Variants in CTNND2 observed in about 807,000 individuals in gnomAD.
CTNND2 encodes the protein catenin delta-2.
Under a neutral mutation model 144.4 loss-of-function variants are expected in CTNND2, and 22 were observed. The ratio of observed to expected loss-of-function variants is 0.15; its 90% CI spans 0.11 to 0.22. The LOEUF (loss-of-function observed/expected upper bound fraction) is 0.22, where lower values mean the gene tolerates loss of function less well. Among genes scored for constraint, CTNND2 ranks in the 10% least tolerant of loss-of-function variants. CTNND2 has a pLI of 1.00. For missense variants in CTNND2, 1,353 were observed against 1,618.8 expected (o/e 0.84, Z 2.82); for synonymous variants, 751 against 695.6 (o/e 1.08, Z -1.25).
intron 2 of CTNND2, among the ~76,000 whole-genome samples, chr5:11,645,249 G>A (rs1455749198): frequency 1.3e-5 from 2 of 152,212 alleles, no homozygotes; most frequent in East Asian, 1.9e-4. Context: ...TTACAGGCAT[G>A]AGCCACCATG....
At chr5:11,856,480 T>C (rs912111224) in intron 1 of CTNND2, among the ~76,000 whole-genome samples, 19 of 152,218 alleles carry the variant, frequency 1.2e-4, no homozygotes, top group South Asian at 4.1e-4. Flanking sequence ...CTCAGGATGA[T>C]AGTTTAGTAT....
At chr5:11,541,845 C>T (rs533021083) in intron 3 of CTNND2, among the ~76,000 whole-genome samples, 4 of 144,200 alleles carry the variant, frequency 2.8e-5, no homozygotes, top group East Asian at 4.1e-4. Context: ...TCGACCCCCC[C>T]CCCCCGGCCA....
chr5:11,301,031 C>T (rs1749548960), intron 9 of CTNND2, among the ~76,000 whole-genome samples: 1 of 152,022 alleles, frequency 6.6e-6, no homozygotes, highest in Non-Finnish European at 1.5e-5. Flanking sequence ...GAGACGGAGT[C>T]TGGGCTGTTG....
At chr5:11,784,642 T>C (rs1790733847) in intron 1 of CTNND2, among the ~76,000 whole-genome samples, 2 of 152,246 alleles carry the variant, frequency 1.3e-5, no homozygotes, top group African/African-American at 2.4e-5. Context: ...TTGAGCGTGA[T>C]TTAATCAAGT....
rs549506410 is a variant in CTNND2 at position 11,483,677 on chromosome 5, C to T, written c.288-71608G>A. On this transcript the variant is annotated intron_variant, in intron 3 of 21. Transcript: ENST00000304623. ...TTGTAAGCTCCTCGAGAGTAAGGAT[C>T]GTGAACTTCATGGTTCAGTGATGCA... 3.3e-5 allele frequency among the ~76,000 whole-genome samples: 5 copies of T among 152,266 alleles called. No homozygotes were observed. In the South Asian group the frequency reaches 8.3e-4, roughly 25 times the overall value.
At chr5:11,085,258 T>G (rs1750007105) in intron 15 of CTNND2, among the ~76,000 whole-genome samples, 1 of 152,254 alleles carries the variant, frequency 6.6e-6, no homozygotes, top group East Asian at 1.9e-4. Context: ...TGAGCAGTGA[T>G]GTGTTTTCCC....
chr5:11,319,312 T>A (rs911609107), intron 9 of CTNND2, among the ~76,000 whole-genome samples: 1 of 152,118 alleles, frequency 6.6e-6, no homozygotes, highest in Non-Finnish European at 1.5e-5. Flanking sequence ...ACTCAATAAG[T>A]ATTTGTTGAA....
intron 9 of CTNND2, among the ~76,000 whole-genome samples, chr5:11,285,820 A>G (rs1747663269): frequency 6.6e-6 from 1 of 152,218 alleles, no homozygotes; most frequent in Non-Finnish European, 1.5e-5. Context: ...TGAGAGTTAA[A>G]AGCCAGGGGG....
chr5:11,143,970 C>G (rs547046059), intron 12 of CTNND2, among the ~76,000 whole-genome samples: 24 of 144,392 alleles, frequency 1.7e-4, no homozygotes, highest in Admixed American at 8.5e-4. Context: ...CTAGGGGTTC[C>G]TACCATAGGG....
At chr5:11,676,885 AT>A (rs1784201768) in intron 2 of CTNND2, among the ~76,000 whole-genome samples, 1 of 152,168 alleles carries the variant, frequency 6.6e-6, no homozygotes, top group Non-Finnish European at 1.5e-5. Context: ...TTTTGTGTAA[AT>A]TAATATATTA....
chr5:11,160,222 T>G (rs1758637550), intron 11 of CTNND2, among the ~76,000 whole-genome samples: 1 of 152,164 alleles, frequency 6.6e-6, no homozygotes, highest in Non-Finnish European at 1.5e-5. Context: ...CTACCATGGG[T>G]AGGACCCTTA....
At chr5:11,477,704 G>A (rs1005364763) in intron 3 of CTNND2, among the ~76,000 whole-genome samples, 6 of 151,980 alleles carry the variant, frequency 3.9e-5, no homozygotes, top group Admixed American at 1.3e-4. Context: ...CAACACACTC[G>A]GCCCACCTTG....
chr5:11,580,944 C>G (rs912031435), intron 2 of CTNND2, among the ~76,000 whole-genome samples: 1 of 152,144 alleles, frequency 6.6e-6, no homozygotes. Flanking sequence ...CTGCCCACAC[C>G]TTTGCATTGC....
intron 7 of CTNND2, among the ~76,000 whole-genome samples, chr5:11,379,317 C>T (rs867548117): frequency 6.6e-6 from 1 of 152,084 alleles, no homozygotes; most frequent in South Asian, 2.1e-4. Flanking sequence ...TCCACTGACA[C>T]AAAAATATAC....
chr5:11,267,528 C>T (rs1745570645), intron 9 of CTNND2, among the ~76,000 whole-genome samples: 1 of 152,132 alleles, frequency 6.6e-6, no homozygotes, highest in Non-Finnish European at 1.5e-5. Flanking sequence ...CTTGAAAGAC[C>T]TAAGCAACTG....
intron 8 of CTNND2, among the ~76,000 whole-genome samples, chr5:11,361,305 G>A (rs2149765447): frequency 6.6e-6 from 1 of 152,298 alleles, no homozygotes; most frequent in South Asian, 2.1e-4. Context: ...ACAGATGGGA[G>A]CTACTGCTCC....
chr5:11,616,045 C>G (rs1780563432), intron 2 of CTNND2, among the ~76,000 whole-genome samples: 1 of 152,200 alleles, frequency 6.6e-6, no homozygotes. Flanking sequence ...TTTCTGACTT[C>G]TCTCTCTTGG....
At chr5:11,014,503 T>C (rs1393181450) in intron 18 of CTNND2, among the ~76,000 whole-genome samples, 1 of 152,206 alleles carries the variant, frequency 6.6e-6, no homozygotes, top group Non-Finnish European at 1.5e-5. Flanking sequence ...ATGCATTCTT[T>C]AGCCTGCAAG....
At chr5:11,367,243 C>T (rs1181551781) in intron 7 of CTNND2, among the ~76,000 whole-genome samples, 1 of 152,088 alleles carries the variant, frequency 6.6e-6, no homozygotes, top group Non-Finnish European at 1.5e-5. Flanking sequence ...GTTTTGATTG[C>T]TCAAGGGTGG....
Sources: allele counts gnomAD v4.1 joint callset (sites outside exome capture counted in the v4.1 genomes callset), GRCh38; gene constraint gnomAD v4.1.1; transcripts MANE v1.5; gene names NCBI Gene and HGNC (gene_info 2026-07-23, HGNC 2026-07-21).